Variants in IL23R observed in about 807,000 individuals in gnomAD.
IL23R encodes interleukin 23 receptor.
A neutral mutation model predicts 56.9 loss-of-function variants in IL23R; 34 were observed. That is an observed-to-expected ratio of 0.60 (90% CI 0.45 to 0.80). The LOEUF is 0.80. Among genes scored for constraint, IL23R ranks in the 30% least tolerant of loss-of-function variants. The probability of loss-of-function intolerance (pLI) is 0.00; values close to 1 mark genes in which losing one functional copy is unlikely to be tolerated. For synonymous variants in IL23R, 230 were observed against 249.2 expected, an observed-to-expected ratio of 0.92 and a Z score of 0.73; for missense variants, 635 against 730.0, an observed-to-expected ratio of 0.87 and a Z score of 1.50.
intron 6 of IL23R, among the ~76,000 whole-genome samples, chr1:67,210,292 ACT>A: frequency 6.6e-6 from 1 of 152,288 alleles, no homozygotes; most frequent in Admixed American, 6.5e-5. Context: ...ACGTAATAAA[ACT>A]CAGTAATTTC....
intron 1 of IL23R, among the ~76,000 whole-genome samples, chr1:67,150,652 T>TAAAAAAA (rs3052338): frequency 3.1e-5 from 3 of 95,886 alleles, no homozygotes; most frequent in Admixed American, 1.0e-4. Flanking sequence ...GAACTTAAAG[T>TAAAAAAA]AAAAAAAAAA....
At chr1:67,223,885 G>A (rs1012711839) in intron 7 of IL23R, among the ~76,000 whole-genome samples, 37 of 151,924 alleles carry the variant, frequency 2.4e-4, no homozygotes, top group African/African-American at 8.7e-4. Flanking sequence ...TATATAAATG[G>A]TCTTTATTCC....
chr1:67,191,412 GTAC>G (rs539579938), intron 4 of IL23R, among the ~76,000 whole-genome samples: 118 of 152,122 alleles, frequency 7.8e-4, no homozygotes, highest in Non-Finnish European at 1.5e-3. Flanking sequence ...CTCCACTTGG[GTAC>G]TAGATCTTAT....
intron 8 of IL23R, among the ~76,000 whole-genome samples, chr1:67,238,903 G>C (rs987027549): frequency 1.3e-5 from 2 of 152,150 alleles, no homozygotes; most frequent in African/African-American, 4.8e-5. Context: ...CCTGCCTGCT[G>C]ATTGGCTTTA....
chr1:67,214,816 C>A (rs1436102069), intron 6 of IL23R, among the ~76,000 whole-genome samples: 1 of 152,032 alleles, frequency 6.6e-6, no homozygotes, highest in Non-Finnish European at 1.5e-5. Flanking sequence ...GAAAAAACAA[C>A]AAGGAAGTAA....
At position 67,258,564 on chromosome 1, in the gene IL23R, C is replaced by A. The variant is rs1653076105; in HGVS notation, c.1326C>A (p.Ile442=). The change falls in exon 11 of 11, where the codon ATC becomes ATA. Residue 442 remains isoleucine (I), a synonymous_variant. Coordinates refer to ENST00000347310, the MANE Select transcript of IL23R (RefSeq NM_144701.3). ...TTACAGAGATAAAAGAAATCTTCAT[C>A]CCAGAACACAAGCCTACAGACTACA... is the stretch of plus-strand genomic sequence containing the variant. ...PMITEIKEIF[I]PEHKPTDYKK... 1.2e-6 allele frequency: 2 copies of A among 1,611,194 alleles called. No individual in the cohort carries two copies. The highest frequency in any genetic ancestry group is 2.7e-5 in the African/African-American group (2 of 74,872).
Position 67,259,442 on chromosome 1 carries a change from C to G in IL23R, c.*314C>G, listed in dbSNP as rs1029742973. 10 of 355,744 alleles carry G rather than the reference C, an allele frequency of 2.8e-5. No homozygotes were observed. Among genetic ancestry groups the G allele is most frequent in the African/African-American group, 2.1e-4 (10 of 47,582 alleles). The allele number at this position is 355,744 out of a possible 1,614,324, so 22.0% of individuals were successfully genotyped here. A position where few individuals can be genotyped will look rare whatever the true frequency, so the allele number is the denominator to read the frequency against. ...TTTTAGCCATTCTTCTGCCTCATTT[C>G]TTAAAATTAGAGAATTAAGGTCCCG... On this transcript the variant is annotated 3_prime_UTR_variant, in exon 11 of 11. Transcript: ENST00000347310.
At position 67,259,090 on chromosome 1, in the gene IL23R, GA is replaced by G; in HGVS notation, c.1855del (p.Ser619AlafsTer20). On this transcript the variant is annotated frameshift_variant, in exon 11 of 11. Coordinates refer to ENST00000347310, the MANE Select transcript of IL23R (RefSeq NM_144701.3). LOFTEE classifies it high-confidence loss of function. Reference sequence around the variant, plus strand: ...TACTTATTTTCCACAAAATATTTTGGAAAGCCACTTCAATAGGATTTCACTC... The same window carrying G: ...TACTTATTTTCCACAAAATATTTTGGAAGCCACTTCAATAGGATTTCACTC... ...INTYFPQNIL[E>X]SHFNRISLLE... 6.2e-7 allele frequency: 1 copy of G among 1,613,846 alleles called. No individual in the cohort carries two copies. Among genetic ancestry groups the G allele is most frequent in the Non-Finnish European group, 8.5e-7 (1 of 1,179,902 alleles).
intron 3 of IL23R, among the ~76,000 whole-genome samples, chr1:67,176,316 TG>T (rs773639038): frequency 1.4e-4 from 22 of 152,090 alleles, no homozygotes; most frequent in Non-Finnish European, 2.5e-4. Flanking sequence ...GGATATTTGA[TG>T]GTAAAGTGGG....
intron 4 of IL23R, among the ~76,000 whole-genome samples, chr1:67,188,082 A>T (rs867894971): frequency 9.9e-5 from 15 of 152,156 alleles, no homozygotes; most frequent in Admixed American, 9.8e-4. Flanking sequence ...AAAAATAAAA[A>T]AACTCAAGTG....
intron 7 of IL23R, among the ~76,000 whole-genome samples, chr1:67,222,102 C>CTTTCTTTTTTTTTTTTTTTTTTTTT (rs1440089182): frequency 3.4e-5 from 2 of 58,898 alleles, no homozygotes; most frequent in African/African-American, 1.3e-4. Flanking sequence ...TTCTTTCTTT[C>CTTTCTTTTTTTTTTTTTTTTTTTTT]TTTTTTTTTT....
At chr1:67,210,333 GGAA>G (rs1649367606) in intron 6 of IL23R, among the ~76,000 whole-genome samples, 1 of 152,178 alleles carries the variant, frequency 6.6e-6, no homozygotes, top group South Asian at 2.1e-4. Context: ...GCCTGATTTA[GGAA>G]GAAGTTCCAA....
intron 9 of IL23R, among the ~76,000 whole-genome samples, chr1:67,242,378 T>C (rs1651908700): frequency 6.6e-6 from 1 of 152,168 alleles, no homozygotes; most frequent in African/African-American, 2.4e-5. Context: ...TACCCCATAA[T>C]ACACACATAA....
chr1:67,194,127 C>T (rs1647944167), intron 4 of IL23R, among the ~76,000 whole-genome samples: 1 of 152,226 alleles, frequency 6.6e-6, no homozygotes, highest in Non-Finnish European at 1.5e-5. Flanking sequence ...CACCACCCTG[C>T]AGGCATCCTC....
chr1:67,196,621 G>A (rs541540588), intron 4 of IL23R, among the ~76,000 whole-genome samples: 1 of 152,268 alleles, frequency 6.6e-6, no homozygotes, highest in Admixed American at 6.5e-5. Context: ...TCCTTCTAAA[G>A]TAGTATATCT....
At chr1:67,171,727 G>A (rs1558225177) in intron 3 of IL23R, among the ~76,000 whole-genome samples, 1 of 152,136 alleles carries the variant, frequency 6.6e-6, no homozygotes, top group Non-Finnish European at 1.5e-5. Flanking sequence ...CACTTAACAG[G>A]AGTGACTTCA....
intron 4 of IL23R, 60 bp downstream of exon 4, chr1:67,183,019 G>T: frequency 6.3e-7 from 1 of 1,597,564 alleles, no homozygotes; most frequent in Non-Finnish European, 8.6e-7. Flanking sequence ...CCAGAGCTCT[G>T]CCTCCAGCAG....
At chr1:67,201,567 A>G (rs1318237785) in intron 5 of IL23R, among the ~76,000 whole-genome samples, 1 of 151,280 alleles carries the variant, frequency 6.6e-6, no homozygotes, top group African/African-American at 2.4e-5. Context: ...AAAAAAAAAC[A>G]AAAAAACACT....
chr1:67,169,717 A>G, intron 3 of IL23R, 79 bp downstream of exon 3: 3 of 1,276,360 alleles, frequency 2.4e-6, no homozygotes, highest in South Asian at 1.2e-5. Flanking sequence ...TAGTCTAAAA[A>G]TAGGGACAAA....
Sources: gnomAD v4.1 joint callset for allele counts (sites outside exome capture counted in the v4.1 genomes callset) on GRCh38, gnomAD v4.1.1 for gene constraint, MANE v1.5 for transcripts, NCBI Gene and HGNC (gene_info 2026-07-23, HGNC 2026-07-21) for gene names.